Variants in NEGR1 observed in about 807,000 individuals in gnomAD.
The protein encoded by NEGR1 is neuronal growth regulator 1.
NEGR1 carries 10 observed loss-of-function variants against 40.9 expected under a neutral mutation model. The observed-to-expected ratio is 0.24, with a 90% CI of 0.15 to 0.42. NEGR1 has a LOEUF of 0.42. Among genes scored for constraint, NEGR1 ranks in the 10% least tolerant of loss-of-function variants. The pLI, the probability that NEGR1 is intolerant of heterozygous loss-of-function variation, is 1.00. For synonymous variants in NEGR1, 185 were observed against 166.8 expected, an observed-to-expected ratio of 1.11 and a Z score of -0.84; for missense variants, 352 against 438.9, an observed-to-expected ratio of 0.80 and a Z score of 1.77.
chr1:71,800,268 T>C (rs949115498), intron 2 of NEGR1, among the ~76,000 whole-genome samples: 1 of 152,198 alleles, frequency 6.6e-6, no homozygotes, highest in African/African-American at 2.4e-5. Context: ...GATGGATAGA[T>C]TGCAAAATTT....
intron 3 of NEGR1, among the ~76,000 whole-genome samples, chr1:71,765,169 G>A (rs1002409265): frequency 6.6e-6 from 1 of 152,040 alleles, no homozygotes; most frequent in South Asian, 2.1e-4. Flanking sequence ...CTGCACAGTT[G>A]GTCAACAGAA....
intron 1 of NEGR1, among the ~76,000 whole-genome samples, chr1:72,126,945 A>T (rs1242200464): frequency 2.0e-5 from 3 of 152,212 alleles, no homozygotes; most frequent in Non-Finnish European, 2.9e-5. Flanking sequence ...TATTTTGATT[A>T]TACTGGTCTG....
intron 6 of NEGR1, among the ~76,000 whole-genome samples, chr1:71,470,535 A>C (rs1190909677): frequency 6.6e-6 from 1 of 152,080 alleles, no homozygotes; most frequent in Non-Finnish European, 1.5e-5. Flanking sequence ...ATATCTCTTC[A>C]ATGTATGTTC....
chr1:71,821,172 A>G (rs1658415905), intron 2 of NEGR1, among the ~76,000 whole-genome samples: 1 of 151,944 alleles, frequency 6.6e-6, no homozygotes. Context: ...GCCCTCTGCT[A>G]TAATATAGTC....
chr1:71,769,064 C>T (rs935430040), intron 3 of NEGR1, among the ~76,000 whole-genome samples: 1 of 98,206 alleles, frequency 1.0e-5, no homozygotes. Context: ...ACATTTTTAA[C>T]AATAAAACTT....
At position 71,776,190 on chromosome 1, in the gene NEGR1, G is replaced by T. The variant is rs1252345844; in HGVS notation, c.517C>A (p.Arg173=). Residue 173 remains arginine (R), a synonymous_variant, in exon 3 of 7, where the codon CGA becomes AGA. Transcript: ENST00000357731. ...TGKPEPSISW[R]HISPSAKPFE... The stretch of plus-strand genomic sequence containing the variant: ...ACTTTACCTGATGGGGAGATGTGTC[G>T]CCAAGAAATGGAAGGCTCTGGTTTC... The T allele has an allele frequency of 3.1e-6, 5 of 1,608,206 alleles. No individual in the cohort carries two copies. The highest frequency in any genetic ancestry group is 3.4e-6 in the Non-Finnish European group (4 of 1,176,790).
In NEGR1 at chr1:71,407,197, C is replaced by T. The variant is rs530844979; in HGVS notation, c.*249G>A. ...AACATGAAATCACAATTAATATCCT[C>T]TAAAAGTAATTTCAGAGCTTTCACG... On this transcript the variant is annotated 3_prime_UTR_variant, in exon 7 of 7. Transcript: ENST00000357731. 1 of 306,352 alleles carries T rather than the reference C, an allele frequency of 3.3e-6. No homozygotes were observed. The highest frequency in any genetic ancestry group is 6.9e-5 in the South Asian group (1 of 14,410). 19.0% of individuals were successfully genotyped at this position (306,352 alleles called of 1,614,324 possible). A position where few individuals can be genotyped will look rare whatever the true frequency, so the allele number is the denominator to read the frequency against.
intron 1 of NEGR1, among the ~76,000 whole-genome samples, chr1:72,179,574 T>C: frequency 6.6e-6 from 1 of 152,104 alleles, no homozygotes; most frequent in Non-Finnish European, 1.5e-5. Flanking sequence ...TTTGCACTTT[T>C]AGAATTCTAA....
At chr1:72,153,962 C>T (rs1651259314) in intron 1 of NEGR1, among the ~76,000 whole-genome samples, 2 of 150,880 alleles carry the variant, frequency 1.3e-5, no homozygotes, top group East Asian at 2.0e-4. Flanking sequence ...ATGGTACTCT[C>T]GGTGAAATAA....
intron 2 of NEGR1, among the ~76,000 whole-genome samples, chr1:71,879,309 C>A: frequency 6.6e-6 from 1 of 152,046 alleles, no homozygotes; most frequent in East Asian, 1.9e-4. Context: ...ACTCCCCACC[C>A]CTATTCATCA....
intron 2 of NEGR1, among the ~76,000 whole-genome samples, chr1:71,918,216 C>CAAAAAAAAAAAAAAAAA (rs1159908343): frequency 3.2e-4 from 8 of 24,752 alleles, no homozygotes; most frequent in East Asian, 1.0e-3. Context: ...GACTCTGTCT[C>CAAAAAAAAAAAAAAAAA]AAAAAAAAAA....
intron 1 of NEGR1, among the ~76,000 whole-genome samples, chr1:72,131,757 T>A (rs56270690): frequency 0.022 from 3,347 of 152,314 alleles, 134 homozygotes; most frequent in African/African-American, 0.076. Flanking sequence ...TATGTCTACA[T>A]TAGTGAACCA....
At chr1:71,973,738 T>G (rs1646278281) in intron 1 of NEGR1, among the ~76,000 whole-genome samples, 1 of 152,110 alleles carries the variant, frequency 6.6e-6, no homozygotes, top group South Asian at 2.1e-4. Context: ...ACTTCCACCT[T>G]TATTTGGAAG....
At chr1:72,071,606 T>C (rs770983332) in intron 1 of NEGR1, among the ~76,000 whole-genome samples, 1 of 152,096 alleles carries the variant, frequency 6.6e-6, no homozygotes, top group African/African-American at 2.4e-5. Flanking sequence ...TTATAAAATA[T>C]TCTTCTTTAT....
intron 1 of NEGR1, among the ~76,000 whole-genome samples, chr1:72,171,881 AT>A (rs1309758368): frequency 6.6e-6 from 1 of 152,014 alleles, no homozygotes; most frequent in East Asian, 1.9e-4. Flanking sequence ...ACAACTAAAC[AT>A]TTTTTTCTCA....
At chr1:71,680,942 C>T (rs564561665) in intron 4 of NEGR1, among the ~76,000 whole-genome samples, 50 of 152,282 alleles carry the variant, frequency 3.3e-4, no homozygotes, top group African/African-American at 1.1e-3. Flanking sequence ...CAGTAAGAAA[C>T]ATTCCCACAA....
intron 1 of NEGR1, among the ~76,000 whole-genome samples, chr1:72,247,685 C>T (rs1654945855): frequency 6.6e-6 from 1 of 152,146 alleles, no homozygotes. Context: ...CATATTTTCC[C>T]TTCTTCCTGT....
intron 1 of NEGR1, among the ~76,000 whole-genome samples, chr1:72,247,846 A>G (rs1238705249): frequency 6.6e-6 from 1 of 152,154 alleles, no homozygotes; most frequent in East Asian, 1.9e-4. Flanking sequence ...GTAATTTATA[A>G]AGAGGAGGGG....
At chr1:72,146,919 A>C (rs1322543510) in intron 1 of NEGR1, among the ~76,000 whole-genome samples, 1 of 152,158 alleles carries the variant, frequency 6.6e-6, no homozygotes, top group East Asian at 1.9e-4. Context: ...GGAAGGTTGC[A>C]TTTCCTACTA....
Sources: gnomAD v4.1 joint callset for allele counts (sites outside exome capture counted in the v4.1 genomes callset) on GRCh38, gnomAD v4.1.1 for gene constraint, MANE v1.5 for transcripts, NCBI Gene and HGNC (gene_info 2026-07-23, HGNC 2026-07-21) for gene names.